SH2D4A: variants seen among roughly 807,000 people sequenced by gnomAD.
SH2D4A encodes the protein SH2 domain containing 4A.
Under a neutral mutation model 64.7 loss-of-function variants are expected in SH2D4A, and 70 were observed. That is an observed-to-expected ratio of 1.08 (90% CI 0.89 to 1.32). The LOEUF is 1.32. Among genes scored for constraint, SH2D4A ranks in the 40% most tolerant of loss-of-function variants. The pLI, the probability that SH2D4A is intolerant of heterozygous loss-of-function variation, is 0.00. For synonymous variants in SH2D4A, 268 were observed against 200.7 expected, an observed-to-expected ratio of 1.34 and a Z score of -2.83; for missense variants, 706 against 540.1, an observed-to-expected ratio of 1.31 and a Z score of -3.04.
chr8:19,358,025 T>G (rs1259338462), intron 5 of SH2D4A, among the ~76,000 whole-genome samples: 1 of 152,212 alleles, frequency 6.6e-6, no homozygotes, highest in Non-Finnish European at 1.5e-5. Context: ...ATGCATGAAC[T>G]TGCATTTTTA....
chr8:19,391,684 G>C (rs1047321877), intron 8 of SH2D4A, among the ~76,000 whole-genome samples: 14 of 152,156 alleles, frequency 9.2e-5, no homozygotes, highest in African/African-American at 2.9e-4. Flanking sequence ...GGTCTGGTTG[G>C]ATGATCTTGG....
At chr8:19,333,317 A>T (rs974486455) in intron 3 of SH2D4A, among the ~76,000 whole-genome samples, 1 of 152,096 alleles carries the variant, frequency 6.6e-6, no homozygotes, top group Non-Finnish European at 1.5e-5. Context: ...GTTGATTTAG[A>T]CTTTTGATCT....
intron 2 of SH2D4A, among the ~76,000 whole-genome samples, chr8:19,329,047 G>T (rs867267192): frequency 1.3e-5 from 2 of 152,156 alleles, no homozygotes; most frequent in African/African-American, 4.8e-5. Context: ...GTGACTTCTG[G>T]TGCCCCTCTC....
chr8:19,365,291 G>T (rs2153648941), intron 7 of SH2D4A, among the ~76,000 whole-genome samples: 1 of 152,194 alleles, frequency 6.6e-6, no homozygotes, highest in South Asian at 2.1e-4. Context: ...CGGGAAGTGG[G>T]GACCAACGTG....
At chr8:19,315,715 T>C (rs915040453) in intron 1 of SH2D4A, among the ~76,000 whole-genome samples, 2 of 152,228 alleles carry the variant, frequency 1.3e-5, no homozygotes, top group Admixed American at 6.5e-5. Context: ...TAACCGGAGA[T>C]TTGCTGCCCT....
intron 1 of SH2D4A, 116 bp downstream of exon 1, chr8:19,313,939 G>A: frequency 7.8e-7 from 1 of 1,282,266 alleles, no homozygotes; most frequent in Non-Finnish European, 9.8e-7. Context: ...GGCCAGAGCG[G>A]GCGGGCGGAA....
At chr8:19,353,363 A>G (rs1271845628) in intron 4 of SH2D4A, among the ~76,000 whole-genome samples, 7 of 146,794 alleles carry the variant, frequency 4.8e-5, no homozygotes, top group Non-Finnish European at 7.4e-5. Context: ...TCCATTAATC[A>G]TCTAGTTTTT....
chr8:19,322,891 T>C (rs1176123968), intron 2 of SH2D4A, among the ~76,000 whole-genome samples: 1 of 152,042 alleles, frequency 6.6e-6, no homozygotes, highest in Admixed American at 6.6e-5. Flanking sequence ...GCCAGCCTGG[T>C]CTTGAACTCC....
chr8:19,361,373 A>G lies in SH2D4A; in HGVS notation c.706+59A>G, dbSNP rs1186724435. The G allele has an allele frequency of 4.6e-6, 7 of 1,513,882 alleles. No homozygotes were observed. In the South Asian group the frequency reaches 9.5e-5, roughly 21 times the overall value. 93.8% of individuals were successfully genotyped at this position (1,513,882 alleles called of 1,614,324 possible). A position where few individuals can be genotyped will look rare whatever the true frequency, so the allele number is the denominator to read the frequency against. ...GGCTCTCAGCTGATTCTCTCCCTTA[A>G]TAATGTGATCAATCTAGAAAGCGCT... is the stretch of plus-strand genomic sequence containing the variant. On this transcript the variant is annotated intron_variant, in intron 6 of 9. Coordinates refer to ENST00000265807, the MANE Select transcript of SH2D4A (RefSeq NM_022071.4).
At chr8:19,340,834 G>C (rs1447692643) in intron 4 of SH2D4A, among the ~76,000 whole-genome samples, 2 of 152,060 alleles carry the variant, frequency 1.3e-5, no homozygotes, top group Non-Finnish European at 2.9e-5. Context: ...CTGGGCTCGA[G>C]TGATCCTCCT....
chr8:19,383,924 T>C (rs2053341885), intron 8 of SH2D4A, among the ~76,000 whole-genome samples: 1 of 152,232 alleles, frequency 6.6e-6, no homozygotes, highest in African/African-American at 2.4e-5. Context: ...AATACATCTA[T>C]GTCATAGGGT....
chr8:19,368,620 C>CTTT lies in SH2D4A; in HGVS notation c.917+4350_917+4352dup, dbSNP rs34764005. 2.1e-3 allele frequency among the ~76,000 whole-genome samples: 291 copies of CTTT among 136,304 alleles called. 2 individuals are homozygous for CTTT. The highest frequency in any genetic ancestry group is 0.014 in the East Asian group (63 of 4,644). The allele number at this position is 136,304 out of a possible 152,430, so 89.4% of individuals were successfully genotyped here. A position where few individuals can be genotyped will look rare whatever the true frequency, so the allele number is the denominator to read the frequency against. ...TATTTTGCTATTGTAAATAAAATTG[C>CTTT]TTTTTTTTTTTTTTGTTAGTCCATT... On this transcript the variant is annotated intron_variant, in intron 7 of 9. Transcript: ENST00000265807.
intron 1 of SH2D4A, among the ~76,000 whole-genome samples, chr8:19,317,008 C>T (rs549061177): frequency 6.6e-6 from 1 of 152,278 alleles, no homozygotes; most frequent in South Asian, 2.1e-4. Context: ...ATGACTTTGA[C>T]ACTTTAAGGG....
In SH2D4A at chr8:19,319,634, C is replaced by T; in HGVS notation, c.87C>T (p.Phe29=). The T allele has an allele frequency of 6.2e-7, 1 of 1,610,866 alleles. No individual in the cohort carries two copies. The highest frequency in any genetic ancestry group is 8.5e-7 in the Non-Finnish European group (1 of 1,178,814). ...LSEEQKQILF[F]KMREEQIRRW... ...AAGAACAGAAACAGATCCTGTTCTT[C>T]AAGATGAGAGAGGAACAGATCCGAC... is the stretch of plus-strand genomic sequence containing the variant. Residue 29 remains phenylalanine (F), a synonymous_variant, in exon 2 of 10, where the codon TTC becomes TTT. Transcript: ENST00000265807.
intron 4 of SH2D4A, among the ~76,000 whole-genome samples, chr8:19,348,735 C>G (rs1171581961): frequency 6.6e-6 from 1 of 152,194 alleles, no homozygotes; most frequent in Non-Finnish European, 1.5e-5. Context: ...TTTTCTGTCA[C>G]TTGCGCTTCA....
intron 2 of SH2D4A, among the ~76,000 whole-genome samples, chr8:19,322,973 C>A (rs1282489939): frequency 6.6e-6 from 1 of 152,148 alleles, no homozygotes; most frequent in Non-Finnish European, 1.5e-5. Flanking sequence ...CCGTGCCCGA[C>A]TTGTCTACTT....
At chr8:19,335,958 C>T (rs34053771) in intron 4 of SH2D4A, among the ~76,000 whole-genome samples, 35,684 of 152,102 alleles carry the variant, frequency 0.23, 4,750 homozygotes, top group African/African-American at 0.35. Context: ...TCCAGCCCTG[C>T]AGCACTGGCT....
intron 6 of SH2D4A, among the ~76,000 whole-genome samples, chr8:19,363,504 T>C (rs913200163): frequency 5.9e-5 from 9 of 152,214 alleles, no homozygotes; most frequent in Non-Finnish European, 1.3e-4. Flanking sequence ...CTTGGGGTAC[T>C]TTTTTGTGTA....
At chr8:19,346,770 C>T (rs1018930412) in intron 4 of SH2D4A, among the ~76,000 whole-genome samples, 8 of 152,116 alleles carry the variant, frequency 5.3e-5, no homozygotes, top group Admixed American at 5.2e-4. Context: ...AGCAGCTTGC[C>T]CAGTATTGTC....
Sources: allele counts gnomAD v4.1 joint callset (sites outside exome capture counted in the v4.1 genomes callset), GRCh38; gene constraint gnomAD v4.1.1; transcripts MANE v1.5; gene names NCBI Gene and HGNC (gene_info 2026-07-23, HGNC 2026-07-21).